Variants in CFAP221 observed in about 807,000 individuals in gnomAD.
CFAP221 encodes the protein cilia- and flagella-associated protein 221.
In CFAP221, 97 loss-of-function variants were observed where a neutral mutation model predicts 113.1. That is an observed-to-expected ratio of 0.86 (90% CI 0.73 to 1.02). CFAP221 has a LOEUF of 1.02. Among genes scored for constraint, CFAP221 ranks in the 50% least tolerant of loss-of-function variants. The pLI is 0.00. For synonymous variants in CFAP221, 331 were observed against 354.4 expected (o/e 0.93, Z 0.74); for missense variants, 1,025 against 1,013.4 (o/e 1.01, Z -0.16).
At chr2:119,567,930 G>A (rs1681764938) in intron 6 of CFAP221, among the ~76,000 whole-genome samples, 1 of 151,732 alleles carries the variant, frequency 6.6e-6, no homozygotes, top group South Asian at 2.1e-4. Flanking sequence ...TTTTCTTTTA[G>A]CATACCAGTT....
chr2:119,581,587 G>C (rs1051144455), intron 6 of CFAP221, among the ~76,000 whole-genome samples: 5 of 152,226 alleles, frequency 3.3e-5, no homozygotes, highest in East Asian at 1.9e-4. Flanking sequence ...AAGCTAGACT[G>C]AAAAGCTCCA....
chr2:119,615,129 G>A (rs984917982), intron 13 of CFAP221, among the ~76,000 whole-genome samples: 5 of 151,868 alleles, frequency 3.3e-5, no homozygotes, highest in African/African-American at 9.7e-5. Context: ...CACTATACCC[G>A]CAGACACTCT....
At chr2:119,626,957 A>G (rs1686351491) in intron 15 of CFAP221, among the ~76,000 whole-genome samples, 2 of 151,068 alleles carry the variant, frequency 1.3e-5, no homozygotes, top group South Asian at 2.1e-4. Context: ...AAGGAATTCC[A>G]ATCCTCTGAT....
downstream of CFAP221, among the ~76,000 whole-genome samples, chr2:119,659,194 G>A (rs1317867791): frequency 1.3e-5 from 2 of 152,046 alleles, no homozygotes; most frequent in Non-Finnish European, 2.9e-5. Context: ...CATCCCATTT[G>A]CTAACACATC....
intron 3 of CFAP221, 84 bp from the exon 4 acceptor site, chr2:119,559,605 A>C: frequency 8.7e-7 from 1 of 1,148,626 alleles, no homozygotes; most frequent in Non-Finnish European, 1.2e-6. Flanking sequence ...AAATTCTTTT[A>C]GGAACAGATG....
intron 6 of CFAP221, among the ~76,000 whole-genome samples, chr2:119,570,318 G>C (rs1681953053): frequency 6.6e-6 from 1 of 152,050 alleles, no homozygotes; most frequent in African/African-American, 2.4e-5. Context: ...CTAGAACTGG[G>C]TATTTCTCTT....
intron 8 of CFAP221, chr2:119,601,608 G>A (rs1354013193): frequency 6.9e-6 from 3 of 437,772 alleles, no homozygotes; most frequent in Non-Finnish European, 1.2e-5. Context: ...AGGGATTTTT[G>A]AAGGACATGT....
At chr2:119,580,686 A>G (rs1345004432) in intron 6 of CFAP221, 2 of 152,264 alleles carry the variant, frequency 1.3e-5, no homozygotes, top group Admixed American at 6.5e-5. Context: ...ACTCAGGCTC[A>G]GAAACAAGCT....
At chr2:119,546,058 A>G (rs1680030673) in intron 1 of CFAP221, 27 bp from the exon 2 acceptor site, 2 of 1,422,072 alleles carry the variant, frequency 1.4e-6, no homozygotes, top group Non-Finnish European at 1.9e-6. Context: ...CTCATGGATG[A>G]TTATACTGCT....
intron 13 of CFAP221, among the ~76,000 whole-genome samples, chr2:119,612,510 G>A (rs1186553424): frequency 6.6e-6 from 1 of 152,164 alleles, no homozygotes; most frequent in Non-Finnish European, 1.5e-5. Flanking sequence ...CAGGATGGGG[G>A]AAACTGCCCC....
chr2:119,579,099 T>C (rs1682666827), intron 6 of CFAP221, among the ~76,000 whole-genome samples: 1 of 152,146 alleles, frequency 6.6e-6, no homozygotes, highest in Non-Finnish European at 1.5e-5. Flanking sequence ...TTTAAAGTAC[T>C]TAATATATTT....
chr2:119,615,960 T>C (rs1685496960), intron 14 of CFAP221, among the ~76,000 whole-genome samples: 1 of 152,132 alleles, frequency 6.6e-6, no homozygotes, highest in East Asian at 1.9e-4. Flanking sequence ...CTCCACTCCC[T>C]CCTCCCCACA....
chr2:119,626,874 A>G (rs1686343533), intron 15 of CFAP221, among the ~76,000 whole-genome samples: 2 of 152,026 alleles, frequency 1.3e-5, no homozygotes, highest in South Asian at 4.2e-4. Context: ...AGGTTGCAGT[A>G]AGCTATGATC....
chr2:119,645,000 C>CCG (rs1433412411), intron 21 of CFAP221, among the ~76,000 whole-genome samples: 2 of 132,484 alleles, frequency 1.5e-5, no homozygotes, highest in Non-Finnish European at 3.2e-5. Context: ...GGTCCCCCCC[C>CCG]CCACCCCCTC....
intron 12 of CFAP221, among the ~76,000 whole-genome samples, chr2:119,611,206 G>T (rs1397048844): frequency 6.6e-6 from 1 of 152,110 alleles, no homozygotes; most frequent in Non-Finnish European, 1.5e-5. Flanking sequence ...AATGAAATTT[G>T]TATAGTCCCA....
chr2:119,545,474 G>T (rs1322784441), intron 1 of CFAP221, among the ~76,000 whole-genome samples: 1 of 152,146 alleles, frequency 6.6e-6, no homozygotes, highest in Admixed American at 6.5e-5. Flanking sequence ...TCGGACACAG[G>T]GTTCGACATG....
chr2:119,607,444 A>G (rs976959371), intron 11 of CFAP221, among the ~76,000 whole-genome samples: 2 of 18,046 alleles, frequency 1.1e-4, no homozygotes, highest in African/African-American at 1.4e-4. Context: ...TTTAAAAATC[A>G]TAACTATTAT....
chr2:119,585,648 T>C (rs1020820069), intron 6 of CFAP221, among the ~76,000 whole-genome samples: 3 of 152,234 alleles, frequency 2.0e-5, no homozygotes, highest in Non-Finnish European at 2.9e-5. Flanking sequence ...TTAAAGATAA[T>C]AAATTTTAAA....
chr2:119,565,740 T>C (rs552575523), intron 6 of CFAP221, among the ~76,000 whole-genome samples: 2 of 152,326 alleles, frequency 1.3e-5, no homozygotes, highest in South Asian at 4.1e-4. Context: ...CAAGACTTCA[T>C]ACCCTTAACG....
Sources: gnomAD v4.1 joint callset for allele counts (sites outside exome capture counted in the v4.1 genomes callset) on GRCh38, gnomAD v4.1.1 for gene constraint, MANE v1.5 for transcripts, NCBI Gene and HGNC (gene_info 2026-07-23, HGNC 2026-07-21) for gene names.